ANKRD44: variants seen among roughly 807,000 people sequenced by gnomAD.
ANKRD44 encodes ankyrin repeat domain 44, also known as serine/threonine-protein phosphatase 6 regulatory ankyrin repeat subunit B.
A neutral mutation model predicts 116.0 loss-of-function variants in ANKRD44; 35 were observed. The observed-to-expected ratio is 0.30, with a 90% CI of 0.23 to 0.40. The LOEUF is 0.40. ANKRD44 is among the 10% of genes least tolerant of loss of function. The pLI is 1.00. For missense variants in ANKRD44, 1,014 were observed against 1,242.6 expected (o/e 0.82, Z 2.77); for synonymous variants, 435 against 461.8 (o/e 0.94, Z 0.74).
chr2:197,281,232 T>C (rs1303392385), intron 1 of ANKRD44, among the ~76,000 whole-genome samples: 1 of 152,220 alleles, frequency 6.6e-6, no homozygotes, highest in Non-Finnish European at 1.5e-5. Context: ...ACATGTTACA[T>C]GCCTGTTGAT....
At chr2:197,138,800 T>C (rs559083413) in intron 3 of ANKRD44, among the ~76,000 whole-genome samples, 2 of 152,318 alleles carry the variant, frequency 1.3e-5, no homozygotes, top group African/African-American at 4.8e-5. Context: ...ACTCAGACCA[T>C]ATGCAGTCCT....
In ANKRD44 at chr2:197,288,657, T is replaced by TAC. The variant is rs1559222714; in HGVS notation, c.27+21919_27+21920dup. Among the ~76,000 whole-genome samples the TAC allele has an allele frequency of 2.0e-5, 3 of 152,100 alleles. 1 individual carries two copies. The highest frequency in any genetic ancestry group is 2.0e-4 in the Admixed American group (3 of 15,280). On this transcript the variant is annotated intron_variant, in intron 1 of 27. Transcript: ENST00000282272. Reference sequence around the variant, plus strand: ...CACATACACACGTGATATATATATATACACATATACACACACATATACACA... The same window carrying TAC: ...CACATACACACGTGATATATATATATACACACATATACACACACATATACACA...
intron 1 of ANKRD44, among the ~76,000 whole-genome samples, chr2:197,233,520 T>C (rs1460801736): frequency 6.6e-6 from 1 of 152,240 alleles, no homozygotes; most frequent in African/African-American, 2.4e-5. Context: ...GAAACTGCTA[T>C]ATTCTATTTC....
intron 21 of ANKRD44, among the ~76,000 whole-genome samples, chr2:196,975,621 T>A (rs1225491315): frequency 6.7e-6 from 1 of 150,266 alleles, no homozygotes; most frequent in Non-Finnish European, 1.5e-5. Context: ...CTGTTTTTTT[T>A]TTTTAAAAAA....
At position 196,986,903 on chromosome 2, in the gene ANKRD44, C is replaced by T. The variant is rs2075843637; in HGVS notation, c.*2688G>A. 1.0e-5 allele frequency: 10 copies of T among 985,154 alleles called. No homozygotes were observed. Among genetic ancestry groups the T allele is most frequent in the Non-Finnish European group, 1.2e-5 (10 of 829,844 alleles). The allele number at this position is 985,154 out of a possible 1,614,324, so 61.0% of individuals were successfully genotyped here. On this transcript the variant is annotated 3_prime_UTR_variant, in exon 28 of 28. Coordinates refer to ENST00000282272, the MANE Select transcript of ANKRD44 (RefSeq NM_001195144.2). ...TTCAACTCCAATTTACATAAGAAAACATTATAGACAAAATCCCACTGAAAT... is the reference window on the plus strand; with the variant it reads ...TTCAACTCCAATTTACATAAGAAAATATTATAGACAAAATCCCACTGAAAT...
chr2:197,125,593 G>C, intron 5 of ANKRD44, 125 bp from the exon 6 acceptor site: 1 of 987,542 alleles, frequency 1.0e-6, no homozygotes, highest in Non-Finnish European at 1.6e-6. Flanking sequence ...CTGGAGTTCT[G>C]ACAAAGTAGA....
rs1373097246 is a variant in ANKRD44, at chr2:197,157,065, CTG to C, written c.112-9962_112-9961del. 2.6e-5 allele frequency among the ~76,000 whole-genome samples: 4 copies of C among 152,114 alleles called. No homozygotes were observed. In the East Asian group the frequency reaches 7.7e-4, roughly 29 times the overall value. On this transcript the variant is annotated intron_variant, in intron 2 of 27. Transcript: ENST00000282272. ...GTTTCATATGTCAAAACTTCGCAAA[CTG>C]TACACTTTAAATATGGGTAGTTTAT...
At chr2:197,192,725 T>C (rs1358767846) in intron 1 of ANKRD44, among the ~76,000 whole-genome samples, 1 of 152,224 alleles carries the variant, frequency 6.6e-6, no homozygotes, top group African/African-American at 2.4e-5. Flanking sequence ...TTCTGCTGTA[T>C]GATCTCCTGC....
At chr2:197,074,237 T>C (rs1383424846) in intron 16 of ANKRD44, among the ~76,000 whole-genome samples, 1 of 152,214 alleles carries the variant, frequency 6.6e-6, no homozygotes, top group Admixed American at 6.5e-5. Context: ...CAGAGAACAC[T>C]GCCCCTTGGC....
At chr2:197,199,816 A>AT (rs1018308252) in intron 1 of ANKRD44, among the ~76,000 whole-genome samples, 1 of 152,200 alleles carries the variant, frequency 6.6e-6, no homozygotes, top group Non-Finnish European at 1.5e-5. Flanking sequence ...TAGCTACAGG[A>AT]TTAAATCATT....
chr2:197,186,779 T>C (rs1442854644), intron 2 of ANKRD44, among the ~76,000 whole-genome samples: 1 of 151,818 alleles, frequency 6.6e-6, no homozygotes, highest in Non-Finnish European at 1.5e-5. Context: ...TTATTTTTTT[T>C]AAAAGCACAT....
chr2:197,182,621 A>G (rs2080537387), intron 2 of ANKRD44, among the ~76,000 whole-genome samples: 1 of 152,232 alleles, frequency 6.6e-6, no homozygotes, highest in Non-Finnish European at 1.5e-5. Context: ...GTTTTCCCTC[A>G]GTATATGTGG....
intron 8 of ANKRD44, among the ~76,000 whole-genome samples, chr2:197,115,383 T>A (rs1298451691): frequency 6.6e-6 from 1 of 152,270 alleles, no homozygotes; most frequent in African/African-American, 2.4e-5. Flanking sequence ...TCTACCTATT[T>A]ACAAATTATA....
At chr2:197,180,672 A>T (rs1046501464) in intron 2 of ANKRD44, among the ~76,000 whole-genome samples, 1 of 152,212 alleles carries the variant, frequency 6.6e-6, no homozygotes, top group African/African-American at 2.4e-5. Context: ...TAGAAGTTTA[A>T]AAAGCTGGGC....
Position 197,126,000 on chromosome 2 carries a change from A to G in ANKRD44, c.299T>C (p.Val100Ala). 6.2e-7 allele frequency: 1 copy of G among 1,614,190 alleles called. No homozygotes were observed. Among genetic ancestry groups the G allele is most frequent in the South Asian group, 1.1e-5 (1 of 91,078 alleles). Residue 100 changes from valine to alanine, a missense_variant, in exon 5 of 28, where the codon GTC becomes GCC. By Grantham distance (64) the Val-to-Ala change is moderately conservative. Transcript: ENST00000282272. ...CTGCCAGTTCTTGTCCCTTGCATTG[A>G]CATCAGCTGAGTGCTTAATCAAAAC... is the stretch of plus-strand genomic sequence containing the variant. ...VQVLIKHSADVNARDKNWQTP... is the reference protein window; with the variant it reads ...VQVLIKHSADANARDKNWQTP...
At chr2:197,189,493 C>T (rs114613649) in intron 1 of ANKRD44, among the ~76,000 whole-genome samples, 2,503 of 152,308 alleles carry the variant, frequency 0.016, 70 homozygotes, top group African/African-American at 0.053. Flanking sequence ...ACCAAGTCTC[C>T]GTTCGGGTTA....
rs372675829 is a variant in ANKRD44 at position 197,000,539 on chromosome 2, T to G, written c.2436-37A>C. On this transcript the variant is annotated intron_variant, in intron 22 of 27. Transcript: ENST00000282272. The stretch of plus-strand genomic sequence containing the variant: ...ATGGGTTTTAATGTAACAATCTCAC[T>G]CTTTTAAATTATATCACCTCCTAAC... The G allele has an allele frequency of 4.1e-5, 62 of 1,520,122 alleles. No individual in the cohort carries two copies. The African/African-American group carries it at 8.3e-4, about 20-fold the overall frequency. 94.2% of individuals were successfully genotyped at this position (1,520,122 alleles called of 1,614,324 possible).
chr2:197,308,169 AC>A (rs67764594), intron 1 of ANKRD44, among the ~76,000 whole-genome samples: 37,101 of 142,098 alleles, frequency 0.26, 5,477 homozygotes, highest in East Asian at 0.41. Flanking sequence ...ACACACACAC[AC>A]ACAAAAAAAA....
intron 1 of ANKRD44, among the ~76,000 whole-genome samples, chr2:197,266,522 T>G (rs1232099633): frequency 6.6e-6 from 1 of 151,842 alleles, no homozygotes; most frequent in East Asian, 1.9e-4. Context: ...CCTTTATATT[T>G]AAAATTTTGG....
Sources: gnomAD v4.1 joint callset for allele counts (sites outside exome capture counted in the v4.1 genomes callset) on GRCh38, gnomAD v4.1.1 for gene constraint, MANE v1.5 for transcripts, NCBI Gene and HGNC (gene_info 2026-07-23, HGNC 2026-07-21) for gene names.